The following CAND1 variants were observed in gnomAD, a reference collection of about 807,000 sequenced individuals.
CAND1 encodes cullin associated and neddylation dissociated 1, also known as cullin-associated NEDD8-dissociated protein 1.
Under a neutral mutation model 108.5 loss-of-function variants are expected in CAND1, and 7 were observed. The observed-to-expected ratio is 0.06, with a 90% confidence interval of 0.04 to 0.12. The LOEUF is 0.12. Ranked by LOEUF, CAND1 falls within the 10% of genes least tolerant of loss-of-function variation. The pLI is 1.00. For missense variants in CAND1, 941 were observed against 1,448.7 expected (o/e 0.65, Z 5.69); for synonymous variants, 534 against 512.0 (o/e 1.04, Z -0.58).
At chr12:67,283,157 A>C (rs2044635891) in intron 2 of CAND1, among the ~76,000 whole-genome samples, 2 of 152,218 alleles carry the variant, frequency 1.3e-5, no homozygotes, top group South Asian at 4.1e-4. Context: ...GTTTTAGCCT[A>C]AACTTTTACA....
intron 2 of CAND1, among the ~76,000 whole-genome samples, chr12:67,285,279 G>A (rs2044659671): frequency 6.6e-6 from 1 of 152,168 alleles, no homozygotes; most frequent in African/African-American, 2.4e-5. Flanking sequence ...ATACAAAAAT[G>A]TACTTGAACA....
intron 2 of CAND1, among the ~76,000 whole-genome samples, chr12:67,282,369 A>G (rs559102668): frequency 5.9e-5 from 9 of 152,268 alleles, no homozygotes; most frequent in South Asian, 4.1e-4. Context: ...ACTTTCCTCT[A>G]TGTATCTCTG....
chr12:67,274,535 TTGTC>T (rs2044551827), intron 1 of CAND1, among the ~76,000 whole-genome samples: 1 of 152,240 alleles, frequency 6.6e-6, no homozygotes, highest in Non-Finnish European at 1.5e-5. Context: ...ATCGTTCTCT[TTGTC>T]TGGCTCTGGG....
rs966083989 is a variant in CAND1 at position 67,306,265 on chromosome 12, C to T, written c.2597C>T (p.Ser866Leu). ...ELKSVILEAF[S>L]SPSEEVKSAA... ...AAATCTGTAATACTAGAAGCTTTCT[C>T]ATCTCCTAGTGAAGAAGTCAAATCA... Residue 866 changes from serine to leucine, a missense_variant, in exon 10 of 15, where the codon TCA (serine) becomes TTA (leucine). Physicochemically the swap from Ser to Leu is moderately radical, Grantham distance 145. Coordinates refer to ENST00000545606, the MANE Select transcript of CAND1 (RefSeq NM_018448.5). 1.9e-6 allele frequency: 3 copies of T among 1,613,898 alleles called. No homozygotes were observed. The highest frequency in any genetic ancestry group is 1.3e-5 in the African/African-American group (1 of 74,940).
chr12:67,281,210 A>C (rs921777069), intron 1 of CAND1, among the ~76,000 whole-genome samples: 17 of 151,932 alleles, frequency 1.1e-4, no homozygotes, highest in African/African-American at 4.1e-4. Context: ...GGCGCCTGTA[A>C]TCCCAACTAC....
rs1221433711 is a variant in CAND1, at chr12:67,318,286, AAAC to A, written c.*5459_*5461del. ...ACAAAGCGAGACCCTGTCTCAAAAA[AAAC>A]AAGGACTCTACAGATAGATAGACAT... On this transcript the variant is annotated 3_prime_UTR_variant, in exon 15 of 15. Transcript: ENST00000545606. 5.2e-5 allele frequency: 8 copies of A among 152,402 alleles called. No individual in the cohort carries two copies. Among genetic ancestry groups the A allele is most frequent in the African/African-American group, 1.9e-4 (8 of 41,584 alleles). The allele number at this position is 152,402 out of a possible 1,614,324, so 9.4% of individuals were successfully genotyped here.
At chr12:67,292,332 T>C (rs1217021402) in intron 2 of CAND1, among the ~76,000 whole-genome samples, 1 of 152,078 alleles carries the variant, frequency 6.6e-6, no homozygotes, top group African/African-American at 2.4e-5. Context: ...AAGTTTTCTG[T>C]ATATTTGTCA....
chr12:67,283,324 C>T (rs2044637513), intron 2 of CAND1, among the ~76,000 whole-genome samples: 1 of 152,080 alleles, frequency 6.6e-6, no homozygotes, highest in African/African-American at 2.4e-5. Flanking sequence ...TGGTTCACAC[C>T]TGTAATCCTA....
At chr12:67,280,730 A>T (rs1046515672) in intron 1 of CAND1, among the ~76,000 whole-genome samples, 3 of 152,176 alleles carry the variant, frequency 2.0e-5, no homozygotes, top group African/African-American at 7.2e-5. Flanking sequence ...AAAATCTGAG[A>T]TGCCGTTTAT....
At chr12:67,279,245 G>C (rs942905294) in intron 1 of CAND1, among the ~76,000 whole-genome samples, 1 of 151,248 alleles carries the variant, frequency 6.6e-6, no homozygotes, top group Admixed American at 6.6e-5. Context: ...CATCCTTTGA[G>C]ATCCAACCTA....
rs191087886 is a variant in CAND1, at chr12:67,302,661, T to C, written c.1293+46T>C. ...TAGAAAATCATGATAGTAAATGCAA[T>C]GCTTTTAAAATTGTCTTTATATGGA... On this transcript the variant is annotated intron_variant, in intron 8 of 14. Coordinates refer to ENST00000545606, the MANE Select transcript of CAND1 (RefSeq NM_018448.5). The C allele has an allele frequency of 1.5e-3, 2,300 of 1,524,372 alleles. 7 individuals carry two copies. Among genetic ancestry groups the C allele is most frequent in the Admixed American group, 1.8e-3 (97 of 53,990 alleles). 94.4% of individuals were successfully genotyped at this position (1,524,372 alleles called of 1,614,324 possible). A position where few individuals can be genotyped will look rare whatever the true frequency, so the allele number is the denominator to read the frequency against.
At chr12:67,288,646 G>A (rs948027029) in intron 2 of CAND1, among the ~76,000 whole-genome samples, 2 of 152,178 alleles carry the variant, frequency 1.3e-5, no homozygotes, top group Admixed American at 1.3e-4. Flanking sequence ...ATTGCAATAG[G>A]CGAAAGAGAT....
At chr12:67,288,565 A>G (rs955089292) in intron 2 of CAND1, among the ~76,000 whole-genome samples, 5 of 152,206 alleles carry the variant, frequency 3.3e-5, no homozygotes, top group Non-Finnish European at 7.3e-5. Flanking sequence ...GTTAAAGACA[A>G]AATTGTTCTG....
Position 67,305,123 on chromosome 12 carries a change from T to C in CAND1, c.1455T>C (p.Asn485=). 1 of 1,609,412 alleles carries C rather than the reference T, an allele frequency of 6.2e-7. No individual in the cohort carries two copies. The change falls in exon 10 of 15, where the codon AAT becomes AAC. Residue 485 remains asparagine, a synonymous_variant. Transcript: ENST00000545606. The surrounding 1 kb of genome is among the most constrained non-coding windows in gnomAD (Gnocchi z 4.4). ...TTTTAGGAATCATTTTCTCACTGAATGATAAATCAAGCTCATCGAATTTGA... is the reference window on the plus strand; with the variant it reads ...TTTTAGGAATCATTTTCTCACTGAACGATAAATCAAGCTCATCGAATTTGA... The part of the protein sequence containing the change: ...VLVPGIIFSL[N]DKSSSSNLKI...
intron 1 of CAND1, among the ~76,000 whole-genome samples, chr12:67,275,305 T>A (rs1325012796): frequency 6.6e-6 from 1 of 152,164 alleles, no homozygotes; most frequent in African/African-American, 2.4e-5. Context: ...GGCAGGCAGA[T>A]CATCTGAGGT....
chr12:67,283,649 T>A (rs1373684556), intron 2 of CAND1, among the ~76,000 whole-genome samples: 2 of 152,096 alleles, frequency 1.3e-5, no homozygotes, highest in African/African-American at 4.8e-5. Flanking sequence ...TAATTCTTTA[T>A]CTTTTAATAT....
rs999827149 is a variant in CAND1 at position 67,269,672 on chromosome 12, G to A, written c.-46G>A. On this transcript the variant is annotated 5_prime_UTR_variant, in exon 1 of 15. Transcript: ENST00000545606. ...GGCGGCGGCGGCGGCAGCGGCAGCG[G>A]GCAGCAGCTCCAGCAGCGCCAGCAG... 1.3e-6 allele frequency: 2 copies of A among 1,543,272 alleles called. No individual in the cohort carries two copies. Among genetic ancestry groups the A allele is most frequent in the African/African-American group, 1.4e-5 (1 of 71,166 alleles).
intron 1 of CAND1, 188 bp downstream of exon 1, chr12:67,269,973 CT>C (rs2044502526): frequency 1.8e-6 from 1 of 551,676 alleles, no homozygotes; most frequent in South Asian, 2.4e-5. Flanking sequence ...TTGCAACCCC[CT>C]CCCCCCATTC....
intron 10 of CAND1, among the ~76,000 whole-genome samples, chr12:67,306,967 T>C (rs1017279125): frequency 6.6e-6 from 1 of 152,164 alleles, no homozygotes; most frequent in African/African-American, 2.4e-5. Flanking sequence ...AAATGGAAGA[T>C]TCTGGAAGAG....
Sources: gnomAD v4.1 joint callset for allele counts (sites outside exome capture counted in the v4.1 genomes callset) on GRCh38, gnomAD v4.1.1 for gene constraint, Gnocchi (gnomAD v3.1) non-coding constraint, MANE v1.5 for transcripts, NCBI Gene and HGNC (gene_info 2026-07-23, HGNC 2026-07-21) for gene names.